Variants in ATXN1 observed in about 807,000 individuals in gnomAD.
ATXN1 encodes the protein ataxin-1.
ATXN1 carries 8 observed loss-of-function variants against 56.4 expected under a neutral mutation model. The ratio of observed to expected loss-of-function variants is 0.14; its 90% confidence interval spans 0.08 to 0.26. ATXN1 has a LOEUF of 0.26. ATXN1 is among the 10% of genes least tolerant of loss of function. The pLI, the probability that ATXN1 is intolerant of heterozygous loss-of-function variation, is 1.00. For synonymous variants in ATXN1, 514 were observed against 494.6 expected (o/e 1.04, Z -0.52); for missense variants, 987 against 1,106.5 (o/e 0.89, Z 1.53).
At chr6:16,534,439 G>A (rs920761340) in intron 4 of ATXN1, among the ~76,000 whole-genome samples, 2 of 150,986 alleles carry the variant, frequency 1.3e-5, no homozygotes, top group African/African-American at 4.9e-5. Context: ...TAGATATTTA[G>A]ACAGCTGAAG....
chr6:16,673,073 T>G (rs1758581375), intron 2 of ATXN1, among the ~76,000 whole-genome samples: 1 of 147,258 alleles, frequency 6.8e-6, no homozygotes, highest in Admixed American at 6.7e-5. Flanking sequence ...GGCAAGGATA[T>G]GAATTATTCT....
intron 2 of ATXN1, among the ~76,000 whole-genome samples, chr6:16,732,158 T>A (rs545478379): frequency 3.3e-5 from 5 of 152,296 alleles, no homozygotes; most frequent in African/African-American, 1.2e-4. Flanking sequence ...TCTTTCAACA[T>A]AATTTTTCTC....
intron 7 of ATXN1, among the ~76,000 whole-genome samples, chr6:16,321,036 C>T (rs1011607703): frequency 5.3e-4 from 81 of 152,266 alleles, no homozygotes; most frequent in African/African-American, 1.6e-3. Flanking sequence ...TCTCAGGGCC[C>T]GAGCCATCTA....
At chr6:16,447,634 G>A (rs1232825498) in intron 6 of ATXN1, among the ~76,000 whole-genome samples, 2 of 152,144 alleles carry the variant, frequency 1.3e-5, no homozygotes, top group African/African-American at 4.8e-5. Flanking sequence ...TGGGATTACA[G>A]GTGTGAGCTA....
At chr6:16,533,025 T>A (rs958080282) in intron 4 of ATXN1, among the ~76,000 whole-genome samples, 1 of 152,202 alleles carries the variant, frequency 6.6e-6, no homozygotes, top group African/African-American at 2.4e-5. Flanking sequence ...GTGATACATA[T>A]GTGCAATATT....
At chr6:16,624,354 G>GA (rs58614013) in intron 3 of ATXN1, among the ~76,000 whole-genome samples, 64,169 of 109,072 alleles carry the variant, frequency 0.59, 17,846 homozygotes, top group African/African-American at 0.79. Flanking sequence ...TTTGTCTCAA[G>GA]AAAAAAAAAA....
intron 6 of ATXN1, among the ~76,000 whole-genome samples, chr6:16,450,946 G>C (rs1759740169): frequency 6.6e-6 from 1 of 152,200 alleles, no homozygotes. Flanking sequence ...AACAGGGGCG[G>C]CGGGGGTTAG....
At chr6:16,460,835 C>A (rs1263776100) in intron 6 of ATXN1, among the ~76,000 whole-genome samples, 1 of 152,134 alleles carries the variant, frequency 6.6e-6, no homozygotes, top group Non-Finnish European at 1.5e-5. Flanking sequence ...CCCCACGGAC[C>A]AGCGCCTAGT....
At chr6:16,594,348 T>A (rs1762776905) in intron 3 of ATXN1, among the ~76,000 whole-genome samples, 1 of 151,992 alleles carries the variant, frequency 6.6e-6, no homozygotes, top group East Asian at 1.9e-4. Flanking sequence ...CAAATGACTA[T>A]ATCAACCTAC....
intron 6 of ATXN1, among the ~76,000 whole-genome samples, chr6:16,351,235 A>G (rs890015981): frequency 1.3e-5 from 2 of 152,164 alleles, no homozygotes; most frequent in African/African-American, 4.8e-5. Context: ...TTCTTTTATA[A>G]TTATGAGAAC....
rs1758415989 is a variant in ATXN1, at chr6:16,394,567, C to T, written c.-160-66097G>A. 2.6e-5 allele frequency among the ~76,000 whole-genome samples: 4 copies of T among 152,234 alleles called. No individual in the cohort carries two copies. The South Asian group carries it at 8.3e-4, about 32-fold the overall frequency. ...ATCAGTTCTTTGTTATGAGAACATT[C>T]AAATTCCTCTTGTCTAGTTTTCTGC... On this transcript the variant is annotated intron_variant, in intron 6 of 7. Transcript: ENST00000436367.
intron 2 of ATXN1, among the ~76,000 whole-genome samples, chr6:16,699,143 A>T (rs761566915): frequency 4.3e-4 from 65 of 152,100 alleles, no homozygotes; most frequent in Non-Finnish European, 3.1e-4. Flanking sequence ...GTTACTTTCA[A>T]GGGTTCAGTA....
intron 6 of ATXN1, among the ~76,000 whole-genome samples, chr6:16,371,711 T>C (rs1230616556): frequency 6.6e-6 from 1 of 151,846 alleles, no homozygotes; most frequent in East Asian, 1.9e-4. Context: ...CCACTATGCC[T>C]GGTTATTTAT....
chr6:16,417,441 A>ATTTTTTTTTTTTTTTTTTTT (rs1188606545), intron 6 of ATXN1, among the ~76,000 whole-genome samples: 5 of 136,512 alleles, frequency 3.7e-5, no homozygotes, highest in East Asian at 2.1e-4. Context: ...CAAGTTTCTT[A>ATTTTTTTTTTTTTTTTTTTT]TTTTTTTTTT....
intron 6 of ATXN1, among the ~76,000 whole-genome samples, chr6:16,480,663 C>T (rs1004711205): frequency 1.3e-5 from 2 of 152,142 alleles, no homozygotes; most frequent in Non-Finnish European, 2.9e-5. Context: ...AAAGAGGACA[C>T]AAAAGCATTT....
intron 3 of ATXN1, among the ~76,000 whole-genome samples, chr6:16,653,483 A>AG (rs1432786539): frequency 6.6e-6 from 1 of 152,218 alleles, no homozygotes; most frequent in Non-Finnish European, 1.5e-5. Flanking sequence ...TAAACTGCCA[A>AG]GGGTAGCAGG....
chr6:16,582,530 C>G lies in ATXN1; in HGVS notation c.-361+3250G>C, dbSNP rs1035555675. Reference sequence around the variant, plus strand: ...AAAATCCTAAGACACCCCAAAGTCCCCATGGGACTTTGCGAACTAAGATTT... The same window carrying G: ...AAAATCCTAAGACACCCCAAAGTCCGCATGGGACTTTGCGAACTAAGATTT... On this transcript the variant is annotated intron_variant, in intron 4 of 7. Transcript: ENST00000436367. Among the ~76,000 whole-genome samples the G allele has an allele frequency of 2.0e-5, 3 of 152,272 alleles. No homozygotes were observed. The East Asian group carries it at 5.8e-4, about 29-fold the overall frequency.
intron 3 of ATXN1, among the ~76,000 whole-genome samples, chr6:16,599,647 G>A (rs1015377959): frequency 2.6e-5 from 4 of 151,016 alleles, no homozygotes; most frequent in Non-Finnish European, 5.9e-5. Flanking sequence ...GGAGTCAGAG[G>A]TTGCAGTGAG....
In ATXN1 at chr6:16,710,300, T is replaced by C. The variant is rs138814973; in HGVS notation, c.-615+42933A>G. 4.6e-3 allele frequency among the ~76,000 whole-genome samples: 700 copies of C among 152,328 alleles called. 8 individuals carry two copies. Among genetic ancestry groups the C allele is most frequent in the African/African-American group, 0.016 (677 of 41,578 alleles). On this transcript the variant is annotated intron_variant, in intron 2 of 7. Coordinates refer to ENST00000436367, the MANE Select transcript of ATXN1 (RefSeq NM_001128164.2). The stretch of plus-strand genomic sequence containing the variant: ...GGGAAACATTCCTGGCAGAAATTCA[T>C]TAAAAAGGCAGAGAAAGATATACCG...
Sources: gnomAD v4.1 joint callset for allele counts (sites outside exome capture counted in the v4.1 genomes callset) on GRCh38, gnomAD v4.1.1 for gene constraint, MANE v1.5 for transcripts, NCBI Gene and HGNC (gene_info 2026-07-23, HGNC 2026-07-21) for gene names.